Variants in TRHDE observed in about 807,000 individuals in gnomAD.
TRHDE encodes the protein thyrotropin releasing hormone degrading enzyme.
Under a neutral mutation model 125.7 loss-of-function variants are expected in TRHDE, and 72 were observed. The ratio of observed to expected loss-of-function variants is 0.57; its 90% CI spans 0.47 to 0.70. The LOEUF (loss-of-function observed/expected upper bound fraction) is 0.70, where lower values mean the gene tolerates loss of function less well. Ranked by LOEUF, TRHDE falls within the 30% of genes least tolerant of loss-of-function variation. The pLI is 0.00. For synonymous variants in TRHDE, 509 were observed against 509.1 expected, an observed-to-expected ratio of 1.00 and a Z score of 0.00; for missense variants, 1,110 against 1,327.1, an observed-to-expected ratio of 0.84 and a Z score of 2.54.
intron 2 of TRHDE, among the ~76,000 whole-genome samples, chr12:72,137,239 T>C (rs1876006392): frequency 6.6e-6 from 1 of 152,202 alleles, no homozygotes; most frequent in Non-Finnish European, 1.5e-5. Flanking sequence ...ATTATGCTCC[T>C]TGTGGGCAAC....
chr12:72,493,681 T>G (rs1877782598), intron 5 of TRHDE, among the ~76,000 whole-genome samples: 1 of 151,934 alleles, frequency 6.6e-6, no homozygotes, highest in South Asian at 2.1e-4. Flanking sequence ...CTTTTCTCAT[T>G]ACTGGTAATT....
intron 5 of TRHDE, among the ~76,000 whole-genome samples, chr12:72,478,535 T>G (rs1179457040): frequency 6.6e-6 from 1 of 152,152 alleles, no homozygotes; most frequent in African/African-American, 2.4e-5. Flanking sequence ...AGAAACATGT[T>G]TTTCCGTTTA....
At chr12:72,584,487 T>C (rs1255827918) in intron 12 of TRHDE, among the ~76,000 whole-genome samples, 1 of 152,208 alleles carries the variant, frequency 6.6e-6, no homozygotes, top group Non-Finnish European at 1.5e-5. Context: ...ACAATGGATC[T>C]CTTGAAATTA....
intron 5 of TRHDE, among the ~76,000 whole-genome samples, chr12:72,487,480 G>A (rs1288151233): frequency 6.6e-6 from 1 of 152,050 alleles, no homozygotes; most frequent in African/African-American, 2.4e-5. Flanking sequence ...AGAACGGGAT[G>A]ATATTTTCAA....
intron 2 of TRHDE, among the ~76,000 whole-genome samples, chr12:72,122,429 T>C (rs185271217): frequency 1.7e-4 from 26 of 152,326 alleles, no homozygotes; most frequent in African/African-American, 3.1e-4. Flanking sequence ...ATAGACTGTT[T>C]AGCCAGTTTT....
At chr12:72,216,612 T>A (rs1200885664) in intron 2 of TRHDE, among the ~76,000 whole-genome samples, 1 of 152,126 alleles carries the variant, frequency 6.6e-6, no homozygotes, top group East Asian at 1.9e-4. Flanking sequence ...AGAAAAAAAA[T>A]GCCTTTTAAG....
At chr12:72,376,728 TATA>T (rs1871899479) in intron 2 of TRHDE, among the ~76,000 whole-genome samples, 2 of 152,188 alleles carry the variant, frequency 1.3e-5, no homozygotes, top group South Asian at 2.1e-4. Context: ...GAGTTAATCA[TATA>T]ATCAATTTTT....
At chr12:72,128,646 G>C (rs1205174419) in intron 2 of TRHDE, among the ~76,000 whole-genome samples, 1 of 152,176 alleles carries the variant, frequency 6.6e-6, no homozygotes, top group Non-Finnish European at 1.5e-5. Flanking sequence ...AAAAACCGCT[G>C]TATGGGGATT....
chr12:72,193,414 C>G (rs1877377710), intron 2 of TRHDE, among the ~76,000 whole-genome samples: 1 of 151,988 alleles, frequency 6.6e-6, no homozygotes, highest in Non-Finnish European at 1.5e-5. Context: ...ATTATTTATT[C>G]AGTAGCACAT....
intron 12 of TRHDE, among the ~76,000 whole-genome samples, chr12:72,583,306 C>T (rs1008542168): frequency 6.6e-6 from 1 of 152,174 alleles, no homozygotes; most frequent in Non-Finnish European, 1.5e-5. Context: ...TCCTCTCAGC[C>T]TTTCTAACCG....
intron 2 of TRHDE, among the ~76,000 whole-genome samples, chr12:72,185,635 TG>T (rs1412592955): frequency 3.3e-5 from 5 of 151,876 alleles, no homozygotes; most frequent in Non-Finnish European, 5.9e-5. Flanking sequence ...GCTGCTCTGG[TG>T]GGGCCTTGGA....
intron 13 of TRHDE, 53 bp downstream of exon 13, chr12:72,619,091 C>A: frequency 7.5e-7 from 1 of 1,331,698 alleles, no homozygotes; most frequent in South Asian, 1.8e-5. Context: ...CTATTTTATT[C>A]TCTTTCTACT....
chr12:72,538,807 T>C (rs1868994892), intron 6 of TRHDE, among the ~76,000 whole-genome samples: 1 of 152,028 alleles, frequency 6.6e-6, no homozygotes, highest in Non-Finnish European at 1.5e-5. Context: ...ATTTTTATCA[T>C]TGTTATCATT....
intron 1 of TRHDE, among the ~76,000 whole-genome samples, chr12:72,095,582 C>G (rs79394792): frequency 6.6e-6 from 1 of 152,158 alleles, no homozygotes; most frequent in Non-Finnish European, 1.5e-5. Flanking sequence ...GGTCCCCTCA[C>G]TTTTGGGACA....
intron 3 of TRHDE, among the ~76,000 whole-genome samples, chr12:72,443,179 C>T (rs80265548): frequency 0.017 from 2,513 of 145,428 alleles, 40 homozygotes; most frequent in Non-Finnish European, 0.03. Flanking sequence ...ACACATACTT[C>T]GCTACTTCTT....
At chr12:72,433,216 A>AT (rs1017180944) in intron 3 of TRHDE, among the ~76,000 whole-genome samples, 3 of 151,892 alleles carry the variant, frequency 2.0e-5, no homozygotes, top group Non-Finnish European at 2.9e-5. Context: ...GTTGATGATG[A>AT]TTTTTTTTGT....
At chr12:72,139,051 C>T (rs1270073453) in intron 2 of TRHDE, among the ~76,000 whole-genome samples, 1 of 152,166 alleles carries the variant, frequency 6.6e-6, no homozygotes, top group East Asian at 1.9e-4. Flanking sequence ...AGCATAGCCT[C>T]CCTAACTAGG....
chr12:72,631,828 T>C (rs1037585420), intron 15 of TRHDE, among the ~76,000 whole-genome samples: 4 of 151,964 alleles, frequency 2.6e-5, no homozygotes, highest in African/African-American at 9.7e-5. Flanking sequence ...TTTATGGTTA[T>C]GCCAAAAAAC....
chr12:72,360,681 G>A (rs186466293), intron 2 of TRHDE, among the ~76,000 whole-genome samples: 2 of 151,754 alleles, frequency 1.3e-5, no homozygotes, highest in South Asian at 2.1e-4. Context: ...GTAAAACTGA[G>A]TAAAAAATAT....
Sources: allele counts gnomAD v4.1 joint callset (sites outside exome capture counted in the v4.1 genomes callset), GRCh38; gene constraint gnomAD v4.1.1; transcripts MANE v1.5; gene names NCBI Gene and HGNC (gene_info 2026-07-23, HGNC 2026-07-21).